The following TYR variants were observed in gnomAD, a reference collection of about 807,000 sequenced individuals.
TYR encodes LB24-AB.
A neutral mutation model predicts 51.5 loss-of-function variants in TYR; 58 were observed. That is an observed-to-expected ratio of 1.13 (90% CI 0.91 to 1.40). The LOEUF (loss-of-function observed/expected upper bound fraction) is 1.40, where lower values mean the gene tolerates loss of function less well. Ranked by LOEUF, TYR falls within the 40% of genes most tolerant of loss-of-function variation. TYR has a pLI of 0.00. For missense variants in TYR, 732 were observed against 647.4 expected, an observed-to-expected ratio of 1.13 and a Z score of -1.42; for synonymous variants, 263 against 235.2, an observed-to-expected ratio of 1.12 and a Z score of -1.08.
At chr11:89,278,332 T>C (rs1436124273) in intron 3 of TYR, among the ~76,000 whole-genome samples, 1 of 151,700 alleles carries the variant, frequency 6.6e-6, no homozygotes, top group Non-Finnish European at 1.5e-5. Flanking sequence ...TGCTAGTTAC[T>C]GTCTATCTCC....
chr11:89,288,112 G>C (rs1944813424), intron 4 of TYR, among the ~76,000 whole-genome samples: 1 of 151,914 alleles, frequency 6.6e-6, no homozygotes, highest in Non-Finnish European at 1.5e-5. Flanking sequence ...ACGGCAAGGT[G>C]AATGTCTCTT....
intron 1 of TYR, among the ~76,000 whole-genome samples, chr11:89,181,468 G>A (rs1943298022): frequency 6.6e-6 from 1 of 152,168 alleles, no homozygotes; most frequent in African/African-American, 2.4e-5. Flanking sequence ...TAATTTGAAT[G>A]CCTTTGTCCA....
At chr11:89,275,588 A>G (rs1207041024) in intron 3 of TYR, among the ~76,000 whole-genome samples, 2 of 151,942 alleles carry the variant, frequency 1.3e-5, no homozygotes, top group Admixed American at 6.6e-5. Flanking sequence ...AACTTTAGCC[A>G]AATTAAATTT....
chr11:89,179,992 G>T (rs889145965), intron 1 of TYR, among the ~76,000 whole-genome samples: 1 of 152,150 alleles, frequency 6.6e-6, no homozygotes, highest in Non-Finnish European at 1.5e-5. Context: ...ACAATCTGCA[G>T]TTTTGAAATG....
chr11:89,200,616 TTTG>T (rs148951432), intron 2 of TYR: 3,452 of 152,176 alleles, frequency 0.023, 122 homozygotes, highest in African/African-American at 0.077. Flanking sequence ...AAAAAATTAA[TTTG>T]TTATGTGATA....
intron 4 of TYR, chr11:89,293,996 A>T: frequency 4.1e-6 from 1 of 246,516 alleles, no homozygotes; most frequent in East Asian, 1.1e-4. Flanking sequence ...CATTAGATTC[A>T]TTGTCAGATA....
chr11:89,266,624 C>T (rs1479283666), intron 3 of TYR, among the ~76,000 whole-genome samples: 1 of 151,964 alleles, frequency 6.6e-6, no homozygotes, highest in African/African-American at 2.4e-5. Flanking sequence ...GGGCAATAGT[C>T]TTCCACTGCA....
At chr11:89,261,980 A>G (rs1468903657) in intron 3 of TYR, among the ~76,000 whole-genome samples, 1 of 152,180 alleles carries the variant, frequency 6.6e-6, no homozygotes, top group Non-Finnish European at 1.5e-5. Context: ...ATCACAAGAG[A>G]TTTAGAAAAT....
At position 89,178,486 on chromosome 11, in the gene TYR, G is replaced by A. The variant is rs61754360; in HGVS notation, c.533G>A (p.Trp178Ter). 8.7e-6 allele frequency: 14 copies of A among 1,614,092 alleles called. No individual in the cohort carries two copies. Among genetic ancestry groups the A allele is most frequent in the African/African-American group, 1.3e-5 (1 of 74,994 alleles). ...ATCAATATTTATGACCTCTTTGTCT[G>A]GATGCATTATTATGTGTCAATGGAT... ...NDINIYDLFV[W>*]MHYYVSMDAL... Residue 178 changes from tryptophan (W) to a stop codon, truncating the protein, a stop_gained, in exon 1 of 5, where the codon TGG becomes TAG. Transcript: ENST00000263321. LOFTEE classifies it high-confidence loss of function.
intron 3 of TYR, among the ~76,000 whole-genome samples, chr11:89,260,641 CATAG>C (rs1263011586): frequency 6.6e-6 from 1 of 152,082 alleles, no homozygotes; most frequent in African/African-American, 2.4e-5. Context: ...AAGATAACTG[CATAG>C]ATAAATTTAA....
chr11:89,254,658 T>C (rs968803069), intron 3 of TYR, among the ~76,000 whole-genome samples: 2 of 151,908 alleles, frequency 1.3e-5, no homozygotes, highest in African/African-American at 4.8e-5. Flanking sequence ...TTCTGTAGCA[T>C]CAGTTGTAAT....
At chr11:89,185,491 T>C (rs1202465449) in intron 1 of TYR, among the ~76,000 whole-genome samples, 7 of 152,182 alleles carry the variant, frequency 4.6e-5, no homozygotes, top group African/African-American at 1.7e-4. Context: ...CTGTACTAGA[T>C]TCTGAGAGAA....
At chr11:89,181,146 C>T (rs1434178737) in intron 1 of TYR, among the ~76,000 whole-genome samples, 1 of 152,042 alleles carries the variant, frequency 6.6e-6, no homozygotes, top group Non-Finnish European at 1.5e-5. Context: ...TCCCTAGTAG[C>T]TGGGACTACA....
In TYR at chr11:89,208,460, T is replaced by C. The variant is rs186484051; in HGVS notation, c.1036+17042T>C. Among the ~76,000 whole-genome samples the C allele has an allele frequency of 3.6e-3, 545 of 152,290 alleles. 1 individual carries two copies. The highest frequency in any genetic ancestry group is 6.5e-3 in the Non-Finnish European group (442 of 68,016). On this transcript the variant is annotated intron_variant, in intron 2 of 4. Coordinates refer to ENST00000263321, the MANE Select transcript of TYR (RefSeq NM_000372.5). ...TCAAGAGAACCAATGTGTAACATCA[T>C]CCAAGATAATATCAACAGTTATCAA...
chr11:89,272,051 T>C (rs1262694952), intron 3 of TYR, among the ~76,000 whole-genome samples: 1 of 151,900 alleles, frequency 6.6e-6, no homozygotes, highest in Non-Finnish European at 1.5e-5. Flanking sequence ...AAGTCATCCA[T>C]GTGGTTTGGA....
chr11:89,289,410 G>A (rs1944831120), intron 4 of TYR, among the ~76,000 whole-genome samples: 1 of 151,942 alleles, frequency 6.6e-6, no homozygotes, highest in Non-Finnish European at 1.5e-5. Context: ...AACATTATAT[G>A]CTCAGAGTCT....
chr11:89,198,948 C>T (rs1236202275), intron 2 of TYR, among the ~76,000 whole-genome samples: 1 of 151,956 alleles, frequency 6.6e-6, no homozygotes, highest in Non-Finnish European at 1.5e-5. Flanking sequence ...GTGTAATGTT[C>T]CCCACCCTGT....
chr11:89,222,569 C>G (rs1943925752), intron 2 of TYR, among the ~76,000 whole-genome samples: 1 of 151,912 alleles, frequency 6.6e-6, no homozygotes. Flanking sequence ...GGAATCCCCA[C>G]CTCTACGAAA....
chr11:89,243,575 T>G (rs968418932), intron 3 of TYR, among the ~76,000 whole-genome samples: 6 of 152,238 alleles, frequency 3.9e-5, no homozygotes, highest in African/African-American at 1.4e-4. Flanking sequence ...AGATCTTGAA[T>G]TATAATTTCA....
Sources: gnomAD v4.1 joint callset for allele counts (sites outside exome capture counted in the v4.1 genomes callset) on GRCh38, gnomAD v4.1.1 for gene constraint, MANE v1.5 for transcripts, NCBI Gene and HGNC (gene_info 2026-07-23, HGNC 2026-07-21) for gene names.